The following SHB variants were observed in gnomAD, a reference collection of about 807,000 sequenced individuals.
SHB encodes SH2 domain containing adaptor protein B.
SHB carries 20 observed loss-of-function variants against 52.3 expected under a neutral mutation model. That is an observed-to-expected ratio of 0.38 (90% CI 0.27 to 0.56). SHB has a LOEUF of 0.56. SHB is among the 20% of genes least tolerant of loss of function. SHB has a pLI of 0.71. For missense variants in SHB, 825 were observed against 723.3 expected, an observed-to-expected ratio of 1.14 and a Z score of -1.61; for synonymous variants, 397 against 316.5, an observed-to-expected ratio of 1.25 and a Z score of -2.70.
At chr9:38,015,777 GATATCC>G (rs1254646150) in intron 2 of SHB, among the ~76,000 whole-genome samples, 1 of 152,192 alleles carries the variant, frequency 6.6e-6, no homozygotes, top group Non-Finnish European at 1.5e-5. Context: ...AACTGCACGT[GATATCC>G]TTGTATTTGG....
At chr9:37,951,725 A>G (rs1401371477) in intron 4 of SHB, among the ~76,000 whole-genome samples, 1 of 152,242 alleles carries the variant, frequency 6.6e-6, no homozygotes, top group African/African-American at 2.4e-5. Context: ...GGTTAACAGG[A>G]TAAGCTACCA....
At chr9:38,034,436 C>T (rs976469745) in intron 1 of SHB, among the ~76,000 whole-genome samples, 3 of 152,254 alleles carry the variant, frequency 2.0e-5, no homozygotes, top group Non-Finnish European at 2.9e-5. Context: ...TGGAGAATCA[C>T]GTCCAGCTCT....
chr9:38,045,427 C>G (rs1024175586), intron 1 of SHB, among the ~76,000 whole-genome samples: 1 of 150,674 alleles, frequency 6.6e-6, no homozygotes, highest in African/African-American at 2.4e-5. Context: ...ATGGTGAGAC[C>G]CCCCCCACCC....
At chr9:38,022,565 C>T (rs2118093281) in intron 1 of SHB, among the ~76,000 whole-genome samples, 1 of 152,312 alleles carries the variant, frequency 6.6e-6, no homozygotes, top group South Asian at 2.1e-4. Context: ...GCGGCAGCAG[C>T]AGCACAAGTG....
Position 37,919,462 on chromosome 9 carries a change from A to C in SHB, c.*359T>G. The C allele has an allele frequency of 5.0e-6, 1 of 198,576 alleles. No homozygotes were observed. Among genetic ancestry groups the C allele is most frequent in the Non-Finnish European group, 1.0e-5 (1 of 96,436 alleles). The allele number at this position is 198,576 out of a possible 1,614,324, so 12.3% of individuals were successfully genotyped here. On this transcript the variant is annotated 3_prime_UTR_variant, in exon 6 of 6. Transcript: ENST00000377707. ...GGTGTGAATTTGAGACAGCTGGAGA[A>C]CAAAGAGATGTCAGCCAGGGAGCTC...
At chr9:38,003,424 C>A (rs1302781946) in intron 2 of SHB, among the ~76,000 whole-genome samples, 2 of 152,006 alleles carry the variant, frequency 1.3e-5, no homozygotes, top group Non-Finnish European at 2.9e-5. Flanking sequence ...CCTAACCAAG[C>A]AGAATGGGCC....
At chr9:37,956,883 G>C (rs1487692527) in intron 3 of SHB, among the ~76,000 whole-genome samples, 2 of 152,230 alleles carry the variant, frequency 1.3e-5, no homozygotes, top group Non-Finnish European at 2.9e-5. Context: ...GACACACCTA[G>C]AAATCTTAGC....
chr9:38,045,766 G>A (rs540352127), intron 1 of SHB, among the ~76,000 whole-genome samples: 1 of 152,284 alleles, frequency 6.6e-6, no homozygotes, highest in South Asian at 2.1e-4. Context: ...TTTTTGACAT[G>A]AGAACGTGGG....
rs937358721 is a variant in SHB at position 38,067,991 on chromosome 9, T to C, written c.655A>G (p.Lys219Glu). ...TWSPTACGGK[K>E]LLNKCAASAA... ...GAGGCGGCGCACTTGTTGAGCAGTT[T>C]CTTGCCTCCGCAGGCCGTCGGGCTC... The change falls in exon 1 of 6, where the codon AAA (lysine) becomes GAA (glutamate). Residue 219 changes from lysine (K) to glutamate (E), a missense_variant. Physicochemically the swap from Lys to Glu is moderately conservative, Grantham distance 56. Transcript: ENST00000377707. The C allele has an allele frequency of 3.9e-6, 6 of 1,543,790 alleles. No individual in the cohort carries two copies. Among genetic ancestry groups the C allele is most frequent in the African/African-American group, 1.4e-5 (1 of 71,144 alleles).
At chr9:37,958,729 C>T (rs1320398494) in intron 3 of SHB, among the ~76,000 whole-genome samples, 1 of 152,164 alleles carries the variant, frequency 6.6e-6, no homozygotes, top group East Asian at 1.9e-4. Context: ...GGAGCTGGGG[C>T]CCTAGCACAC....
intron 2 of SHB, among the ~76,000 whole-genome samples, chr9:38,008,459 T>G (rs1233691421): frequency 6.6e-6 from 1 of 152,260 alleles, no homozygotes; most frequent in East Asian, 1.9e-4. Flanking sequence ...AGGTAAGTCA[T>G]TCTGGCAAAT....
chr9:37,956,188 C>T, intron 3 of SHB, 134 bp from the exon 4 acceptor site: 1 of 770,274 alleles, frequency 1.3e-6, no homozygotes, highest in Non-Finnish European at 2.1e-6. Context: ...CAAGCAATGA[C>T]ATAACATGGC....
chr9:38,068,737 CCCGG>C lies in SHB; in HGVS notation c.-96_-93del. 1.2e-6 allele frequency: 1 copy of C among 807,586 alleles called. No homozygotes were observed. Among genetic ancestry groups the C allele is most frequent in the Non-Finnish European group, 1.5e-6 (1 of 648,058 alleles). 50.0% of individuals were successfully genotyped at this position (807,586 alleles called of 1,614,324 possible). A position where few individuals can be genotyped will look rare whatever the true frequency, so the allele number is the denominator to read the frequency against. On this transcript the variant is annotated 5_prime_UTR_variant, in exon 1 of 6. Coordinates refer to ENST00000377707, the MANE Select transcript of SHB (RefSeq NM_003028.3). ...CGCTGCGGCGCAGGTCCCTCGGCGC[CCCGG>C]CCCCGGCGGGGGGCGTCCGGGGCGC...
intron 5 of SHB, among the ~76,000 whole-genome samples, chr9:37,943,070 C>G (rs1052139494): frequency 6.6e-6 from 1 of 152,186 alleles, no homozygotes; most frequent in African/African-American, 2.4e-5. Context: ...AGCCCCGACC[C>G]CTCCACCTGG....
chr9:38,016,512 C>T (rs1235576547), intron 1 of SHB, among the ~76,000 whole-genome samples: 1 of 152,206 alleles, frequency 6.6e-6, no homozygotes, highest in Non-Finnish European at 1.5e-5. Flanking sequence ...AAGTTGGAAA[C>T]GAGATCACAG....
At chr9:38,062,531 C>T (rs529851876) in intron 1 of SHB, among the ~76,000 whole-genome samples, 192 of 152,204 alleles carry the variant, frequency 1.3e-3, no homozygotes, top group African/African-American at 4.5e-3. Flanking sequence ...ACCCTGCTGC[C>T]GTCATATGAA....
At chr9:38,064,712 A>C (rs1821938976) in intron 1 of SHB, among the ~76,000 whole-genome samples, 1 of 152,202 alleles carries the variant, frequency 6.6e-6, no homozygotes, top group South Asian at 2.1e-4. Flanking sequence ...TGCATCCTTC[A>C]CTACCTCCCC....
intron 5 of SHB, among the ~76,000 whole-genome samples, chr9:37,941,765 T>A (rs1404913863): frequency 6.6e-6 from 1 of 152,182 alleles, no homozygotes; most frequent in Admixed American, 6.5e-5. Context: ...GGTCCCACTG[T>A]GGCCTTGCAG....
intron 1 of SHB, among the ~76,000 whole-genome samples, chr9:38,040,863 G>A (rs1256736230): frequency 6.6e-6 from 1 of 151,834 alleles, no homozygotes; most frequent in Admixed American, 6.6e-5. Context: ...GAGCAGAGGT[G>A]TGATGTGCAC....
Sources: allele counts gnomAD v4.1 joint callset (sites outside exome capture counted in the v4.1 genomes callset), GRCh38; gene constraint gnomAD v4.1.1; transcripts MANE v1.5; gene names NCBI Gene and HGNC (gene_info 2026-07-23, HGNC 2026-07-21).